Variants in NELL1 observed in about 807,000 individuals in gnomAD.
The protein encoded by NELL1 is protein kinase C-binding protein NELL1.
Under a neutral mutation model 107.4 loss-of-function variants are expected in NELL1, and 76 were observed. The ratio of observed to expected loss-of-function variants is 0.71; its 90% CI spans 0.59 to 0.86. NELL1 has a LOEUF of 0.86. NELL1 is among the 40% of genes least tolerant of loss of function. The pLI, the probability that NELL1 is intolerant of heterozygous loss-of-function variation, is 0.00. For missense variants in NELL1, 1,024 were observed against 1,005.5 expected (o/e 1.02, Z -0.25); for synonymous variants, 353 against 341.2 (o/e 1.03, Z -0.38).
In NELL1 at chr11:20,866,523, C is replaced by T. The variant is rs529467850; in HGVS notation, c.506+18770C>T. On this transcript the variant is annotated intron_variant, in intron 4 of 19. Transcript: ENST00000357134. ...TGGTGCTGAGAAACAGATGAAAAGG[C>T]CAATTTCTGGCCTTTTGTTTTTCAA... 3.3e-5 allele frequency among the ~76,000 whole-genome samples: 5 copies of T among 152,256 alleles called. No individual in the cohort carries two copies. In the South Asian group the frequency reaches 1.0e-3, roughly 32 times the overall value.
intron 5 of NELL1, among the ~76,000 whole-genome samples, chr11:20,900,960 A>G (rs927975040): frequency 6.6e-6 from 1 of 152,142 alleles, no homozygotes; most frequent in African/African-American, 2.4e-5. Context: ...CTAGAAATAG[A>G]AGGAAACTTC....
intron 3 of NELL1, among the ~76,000 whole-genome samples, chr11:20,832,341 C>T (rs145961804): frequency 3.1e-4 from 47 of 152,286 alleles, no homozygotes; most frequent in African/African-American, 9.9e-4. Flanking sequence ...TGTCACAGAA[C>T]CATGTTCTGT....
intron 14 of NELL1, among the ~76,000 whole-genome samples, chr11:21,342,657 AAG>A (rs1489724404): frequency 2.7e-5 from 4 of 146,038 alleles, no homozygotes; most frequent in African/African-American, 7.6e-5. Context: ...AAAAAAAAAA[AAG>A]AAAAAGAAAA....
chr11:21,377,074 A>G (rs1851498209), intron 15 of NELL1, among the ~76,000 whole-genome samples: 1 of 152,014 alleles, frequency 6.6e-6, no homozygotes, highest in Non-Finnish European at 1.5e-5. Flanking sequence ...AGCACCTCCA[A>G]TACTATGTTG....
intron 12 of NELL1, among the ~76,000 whole-genome samples, chr11:21,024,057 G>T (rs992419030): frequency 6.6e-6 from 1 of 151,856 alleles, no homozygotes; most frequent in African/African-American, 2.4e-5. Flanking sequence ...AAAAGATAGC[G>T]ATTTACTTCT....
At position 20,962,882 on chromosome 11, in the gene NELL1, G is replaced by A. The variant is rs548383838; in HGVS notation, c.1300+2322G>A. On this transcript the variant is annotated intron_variant, in intron 12 of 19. Coordinates refer to ENST00000357134, the MANE Select transcript of NELL1 (RefSeq NM_006157.5). ...GCTCCAGGGGATGTGTTCTTGGAGAGAAGGATAGCACCTAAGGAGAAATGG... is the reference window on the plus strand; with the variant it reads ...GCTCCAGGGGATGTGTTCTTGGAGAAAAGGATAGCACCTAAGGAGAAATGG... 2.0e-5 allele frequency among the ~76,000 whole-genome samples: 3 copies of A among 152,278 alleles called. 1 individual carries two copies. In the East Asian group the frequency reaches 5.8e-4, roughly 29 times the overall value.
At chr11:20,894,696 G>A (rs376529587) in intron 5 of NELL1, among the ~76,000 whole-genome samples, 7 of 152,088 alleles carry the variant, frequency 4.6e-5, no homozygotes, top group African/African-American at 1.4e-4. Flanking sequence ...AAGTACTAAG[G>A]AAAGCTGTTT....
At chr11:20,802,879 A>G (rs4923059) in intron 3 of NELL1, among the ~76,000 whole-genome samples, 147,422 of 152,268 alleles carry the variant, frequency 0.97, 71,562 homozygotes, top group East Asian at 1. Context: ...TGGTTGATTT[A>G]TGTATGCTGA....
chr11:20,839,558 A>G (rs1023589822), intron 3 of NELL1, among the ~76,000 whole-genome samples: 1 of 152,220 alleles, frequency 6.6e-6, no homozygotes, highest in Non-Finnish European at 1.5e-5. Flanking sequence ...AGTGTTGGAT[A>G]CTAGGCAGTT....
chr11:21,135,307 C>T (rs1484575276), intron 13 of NELL1, among the ~76,000 whole-genome samples: 1 of 152,032 alleles, frequency 6.6e-6, no homozygotes, highest in Admixed American at 6.6e-5. Flanking sequence ...GATTATATTT[C>T]TTAGGTATAG....
chr11:21,393,411 GA>G (rs1299522721), intron 15 of NELL1, among the ~76,000 whole-genome samples: 4 of 151,578 alleles, frequency 2.6e-5, no homozygotes, highest in Non-Finnish European at 4.4e-5. Flanking sequence ...TTTGTTCAAT[GA>G]AAAAAGTAGT....
intron 15 of NELL1, among the ~76,000 whole-genome samples, chr11:21,401,206 T>A (rs1852090343): frequency 6.6e-6 from 1 of 151,894 alleles, no homozygotes; most frequent in Non-Finnish European, 1.5e-5. Context: ...ACATAAGATT[T>A]TTTTTATTGA....
chr11:20,772,300 G>A (rs992939572), intron 2 of NELL1, among the ~76,000 whole-genome samples: 3 of 152,156 alleles, frequency 2.0e-5, no homozygotes, highest in Non-Finnish European at 4.4e-5. Context: ...TGATGCTCTC[G>A]TGTTGGGGAC....
intron 15 of NELL1, among the ~76,000 whole-genome samples, chr11:21,465,536 A>C (rs1043081623): frequency 1.3e-5 from 2 of 152,094 alleles, no homozygotes; most frequent in Non-Finnish European, 2.9e-5. Flanking sequence ...CTGAGAAGCA[A>C]CACATGGCAT....
intron 13 of NELL1, among the ~76,000 whole-genome samples, chr11:21,202,259 A>T (rs1288922296): frequency 6.6e-6 from 1 of 152,060 alleles, no homozygotes; most frequent in Non-Finnish European, 1.5e-5. Flanking sequence ...CTGGTCCTGG[A>T]CTTTTTTTGG....
intron 13 of NELL1, among the ~76,000 whole-genome samples, chr11:21,123,619 T>G (rs184541567): frequency 6.6e-6 from 1 of 152,266 alleles, no homozygotes; most frequent in Admixed American, 6.5e-5. Flanking sequence ...CTGATGAGAA[T>G]GTAAATTGAT....
At chr11:21,228,404 G>A (rs575813646) in intron 13 of NELL1, among the ~76,000 whole-genome samples, 2 of 152,040 alleles carry the variant, frequency 1.3e-5, no homozygotes, top group African/African-American at 2.4e-5. Flanking sequence ...AGGCAGATAC[G>A]CAGAGGTTAG....
intron 15 of NELL1, among the ~76,000 whole-genome samples, chr11:21,516,480 A>G (rs1334438460): frequency 1.3e-5 from 2 of 152,138 alleles, no homozygotes; most frequent in African/African-American, 4.8e-5. Context: ...GTCCTTGTGC[A>G]AACATCAGAG....
chr11:21,475,466 G>A (rs1296566027), intron 15 of NELL1, among the ~76,000 whole-genome samples: 4 of 152,116 alleles, frequency 2.6e-5, no homozygotes, highest in Admixed American at 6.6e-5. Flanking sequence ...AGGCATCATT[G>A]TCAGGACTGG....
Sources: gnomAD v4.1 joint callset for allele counts (sites outside exome capture counted in the v4.1 genomes callset) on GRCh38, gnomAD v4.1.1 for gene constraint, MANE v1.5 for transcripts, NCBI Gene and HGNC (gene_info 2026-07-23, HGNC 2026-07-21) for gene names.